SDHC: variants seen among roughly 807,000 people sequenced by gnomAD.
SDHC encodes the protein succinate dehydrogenase complex subunit C.
SDHC carries 11 observed loss-of-function variants against 22.6 expected under a neutral mutation model. The ratio of observed to expected loss-of-function variants is 0.49; its 90% CI spans 0.31 to 0.81. The LOEUF (loss-of-function observed/expected upper bound fraction) is 0.81, where lower values mean the gene tolerates loss of function less well. SDHC is among the 30% of genes least tolerant of loss of function. The probability of loss-of-function intolerance (pLI) is 0.05; values close to 1 mark genes in which losing one functional copy is unlikely to be tolerated. For missense variants in SDHC, 160 were observed against 212.0 expected (o/e 0.75, Z 1.52); for synonymous variants, 80 against 77.8 (o/e 1.03, Z -0.15).
intron 5 of SDHC, among the ~76,000 whole-genome samples, chr1:161,361,783 C>T (rs1212530883): frequency 7.3e-6 from 1 of 137,906 alleles, no homozygotes; most frequent in Non-Finnish European, 1.5e-5. Context: ...GTGGAGCTTG[C>T]AGTGAGCTGA....
intron 1 of SDHC, chr1:161,314,647 G>T: frequency 1.7e-6 from 1 of 600,972 alleles, no homozygotes. Flanking sequence ...CGTATCGAGG[G>T]GCCCTCGGCT....
chr1:161,316,102 T>G (rs915736720), intron 1 of SDHC, among the ~76,000 whole-genome samples: 14 of 152,194 alleles, frequency 9.2e-5, no homozygotes, highest in African/African-American at 3.4e-4. Context: ...GTAGATGGAA[T>G]ATACAATCGG....
chr1:161,340,536 T>C, intron 3 of SDHC, 58 bp from the exon 4 acceptor site: 1 of 1,452,414 alleles, frequency 6.9e-7, no homozygotes, highest in Non-Finnish European at 9.7e-7. Flanking sequence ...CAAGATAGAC[T>C]CTCTACTATG....
At chr1:161,346,467 T>A (rs74349299) in intron 4 of SDHC, among the ~76,000 whole-genome samples, 17,756 of 151,824 alleles carry the variant, frequency 0.12, 1,393 homozygotes, top group African/African-American at 0.22. Flanking sequence ...TAGCGCGATC[T>A]CAGCTCACTA....
chr1:161,315,083 C>G (rs1227150255), intron 1 of SDHC, among the ~76,000 whole-genome samples: 1 of 152,150 alleles, frequency 6.6e-6, no homozygotes. Flanking sequence ...GAGAAATACC[C>G]TAGATTTTCT....
chr1:161,356,156 A>C (rs1348712388), intron 4 of SDHC, among the ~76,000 whole-genome samples: 1 of 152,170 alleles, frequency 6.6e-6, no homozygotes, highest in Non-Finnish European at 1.5e-5. Flanking sequence ...AAGGAGGAAT[A>C]ACATACTAAA....
chr1:161,351,546 A>G (rs1672095871), intron 4 of SDHC, among the ~76,000 whole-genome samples: 1 of 152,232 alleles, frequency 6.6e-6, no homozygotes, highest in African/African-American at 2.4e-5. Flanking sequence ...AATGTGTGAT[A>G]TTTGTAGTTA....
intron 4 of SDHC, among the ~76,000 whole-genome samples, chr1:161,348,271 G>A (rs1051880167): frequency 1.3e-4 from 20 of 151,854 alleles, no homozygotes; most frequent in Admixed American, 1.0e-3. Flanking sequence ...CAATTCTCCT[G>A]CTTCAGCCTC....
chr1:161,354,850 C>G (rs948969455), intron 4 of SDHC, among the ~76,000 whole-genome samples: 1 of 151,896 alleles, frequency 6.6e-6, no homozygotes, highest in African/African-American at 2.4e-5. Flanking sequence ...GCTGGGACTA[C>G]AGGTGTGCGC....
intron 3 of SDHC, among the ~76,000 whole-genome samples, chr1:161,332,117 A>G (rs1158307349): frequency 6.6e-6 from 1 of 152,060 alleles, no homozygotes; most frequent in Admixed American, 6.6e-5. Context: ...AGCTGGGACT[A>G]CAGGTGCATG....
At chr1:161,361,379 C>T (rs1672503117) in intron 5 of SDHC, among the ~76,000 whole-genome samples, 1 of 151,968 alleles carries the variant, frequency 6.6e-6, no homozygotes, top group Non-Finnish European at 1.5e-5. Flanking sequence ...AGTGGAGTCA[C>T]AGTCAAAACA....
intron 4 of SDHC, among the ~76,000 whole-genome samples, chr1:161,344,132 CA>C (rs953898375): frequency 1.3e-5 from 2 of 150,092 alleles, no homozygotes; most frequent in East Asian, 2.0e-4. Flanking sequence ...TAAAAAAATA[CA>C]AAAAAAAATA....
At chr1:161,321,882 G>C (rs1349790561) in intron 1 of SDHC, among the ~76,000 whole-genome samples, 2 of 152,144 alleles carry the variant, frequency 1.3e-5, no homozygotes, top group Non-Finnish European at 2.9e-5. Context: ...GTGTTTTTAA[G>C]TTTTAGTCCC....
At chr1:161,355,863 A>G (rs1372525287) in intron 4 of SDHC, among the ~76,000 whole-genome samples, 1 of 151,862 alleles carries the variant, frequency 6.6e-6, no homozygotes, top group Non-Finnish European at 1.5e-5. Context: ...ATGCATCTAT[A>G]AGGCCAGCTA....
At chr1:161,335,525 CT>C (rs1012476127) in intron 3 of SDHC, among the ~76,000 whole-genome samples, 18 of 151,964 alleles carry the variant, frequency 1.2e-4, no homozygotes, top group African/African-American at 4.4e-4. Context: ...GTAAAGCTTG[CT>C]TTTTTTATCA....
intron 1 of SDHC, chr1:161,314,632 G>A (rs1670535606): frequency 1.5e-5 from 9 of 614,620 alleles, no homozygotes; most frequent in Admixed American, 1.4e-4. Flanking sequence ...CGGGGTCACT[G>A]ACTTCGTATC....
At chr1:161,347,831 A>G (rs1206327269) in intron 4 of SDHC, among the ~76,000 whole-genome samples, 3 of 152,022 alleles carry the variant, frequency 2.0e-5, no homozygotes, top group African/African-American at 7.2e-5. Context: ...ACGCCACTGC[A>G]CTCCAGCCTG....
intron 4 of SDHC, among the ~76,000 whole-genome samples, chr1:161,351,431 A>G (rs1288007963): frequency 3.3e-5 from 5 of 152,216 alleles, no homozygotes; most frequent in African/African-American, 9.6e-5. Flanking sequence ...ATGCCTGTTA[A>G]GGATTATAAA....
rs201412724 is a variant in SDHC at position 161,356,944 on chromosome 1, T to C, written c.405+104T>C. The C allele has an allele frequency of 6.0e-5, 71 of 1,186,116 alleles. 1 individual carries two copies. Among genetic ancestry groups the C allele is most frequent in the Middle Eastern group, 1.9e-4 (1 of 5,176 alleles). 73.5% of individuals were successfully genotyped at this position (1,186,116 alleles called of 1,614,324 possible). A position where few individuals can be genotyped will look rare whatever the true frequency, so the allele number is the denominator to read the frequency against. On this transcript the variant is annotated intron_variant, in intron 5 of 5. Transcript: ENST00000367975. ...GTTTAGTGCTGTTCTTTTTTTTTTTTCCCAAGAGTGGAGTCTCGCTCTATT... is the reference window on the plus strand; with the variant it reads ...GTTTAGTGCTGTTCTTTTTTTTTTTCCCCAAGAGTGGAGTCTCGCTCTATT...
Sources: allele counts gnomAD v4.1 joint callset (sites outside exome capture counted in the v4.1 genomes callset), GRCh38; gene constraint gnomAD v4.1.1; transcripts MANE v1.5; gene names NCBI Gene and HGNC (gene_info 2026-07-23, HGNC 2026-07-21).